Variants in CMPK1 observed in about 807,000 individuals in gnomAD.
CMPK1 encodes the protein UMP-CMP kinase.
A neutral mutation model predicts 25.7 loss-of-function variants in CMPK1; 10 were observed. The ratio of observed to expected loss-of-function variants is 0.39; its 90% CI spans 0.24 to 0.66. The LOEUF is 0.66. Among genes scored for constraint, CMPK1 ranks in the 30% least tolerant of loss-of-function variants. The probability of loss-of-function intolerance (pLI) is 0.48; values close to 1 mark genes in which losing one functional copy is unlikely to be tolerated. For synonymous variants in CMPK1, 106 were observed against 101.5 expected (o/e 1.04, Z -0.27); for missense variants, 199 against 280.5 (o/e 0.71, Z 2.08).
intron 1 of CMPK1, among the ~76,000 whole-genome samples, chr1:47,348,326 C>G (rs1352672804): frequency 6.6e-6 from 1 of 152,066 alleles, no homozygotes; most frequent in Non-Finnish European, 1.5e-5. Context: ...ACTTTTAGCC[C>G]AATTGCCATA....
At chr1:47,371,732 C>A (rs2622911) in intron 2 of CMPK1, among the ~76,000 whole-genome samples, 143,955 of 152,272 alleles carry the variant, frequency 0.95, 68,420 homozygotes, top group South Asian at 0.99. Context: ...TCACTATGCT[C>A]ATGCTGCTAA....
chr1:47,350,856 C>T lies in CMPK1; in HGVS notation c.171+16740C>T, dbSNP rs983244745. Among the ~76,000 whole-genome samples, 15 of 150,720 alleles carry T rather than the reference C, an allele frequency of 1.0e-4. No individual in the cohort carries two copies. In the South Asian group the frequency reaches 1.1e-3, roughly 11 times the overall value. On this transcript the variant is annotated intron_variant, in intron 1 of 5. Coordinates refer to ENST00000371873, the MANE Select transcript of CMPK1 (RefSeq NM_016308.3). ...CGGGAGGGCAGAGGTTGCATTGAGCCGAGATCACGCCACTGCACTCCAGCC... is the reference window on the plus strand; with the variant it reads ...CGGGAGGGCAGAGGTTGCATTGAGCTGAGATCACGCCACTGCACTCCAGCC...
In CMPK1 at chr1:47,334,168, G is replaced by A. The variant is rs1386534352; in HGVS notation, c.171+52G>A. ...CTTGGGGCTTGACGGGATGCGGGCC[G>A]GCCTGTCCCGCCGCCCCTAGTCCGC... On this transcript the variant is annotated intron_variant, in intron 1 of 5. Coordinates refer to ENST00000371873, the MANE Select transcript of CMPK1 (RefSeq NM_016308.3). 6 of 1,339,850 alleles carry A rather than the reference G, an allele frequency of 4.5e-6. No individual in the cohort carries two copies. The African/African-American group carries it at 4.6e-5, about 10-fold the overall frequency. The allele number at this position is 1,339,850 out of a possible 1,614,324, so 83.0% of individuals were successfully genotyped here. A position where few individuals can be genotyped will look rare whatever the true frequency, so the allele number is the denominator to read the frequency against.
chr1:47,368,810 A>G (rs1557431490), intron 2 of CMPK1, among the ~76,000 whole-genome samples, 195 bp downstream of exon 2: 1 of 152,196 alleles, frequency 6.6e-6, no homozygotes, highest in Non-Finnish European at 1.5e-5. Context: ...AAAATTTTTT[A>G]AAAAGCCATG....
At chr1:47,367,643 TA>T (rs969869865) in intron 1 of CMPK1, among the ~76,000 whole-genome samples, 38 of 152,242 alleles carry the variant, frequency 2.5e-4, no homozygotes, top group African/African-American at 8.0e-4. Flanking sequence ...AACTGAGCGA[TA>T]AATATAGTTA....
At chr1:47,336,478 A>C (rs1026153321) in intron 1 of CMPK1, among the ~76,000 whole-genome samples, 2 of 152,000 alleles carry the variant, frequency 1.3e-5, no homozygotes, top group Non-Finnish European at 2.9e-5. Flanking sequence ...CTCTACTTTA[A>C]ACTTCCTGAT....
intron 1 of CMPK1, among the ~76,000 whole-genome samples, chr1:47,361,972 G>C (rs1646606262): frequency 6.7e-6 from 1 of 149,670 alleles, no homozygotes; most frequent in South Asian, 2.1e-4. Context: ...CCAGGTTCAA[G>C]CAATTTTCCT....
At chr1:47,354,046 T>G (rs1646540063) in intron 1 of CMPK1, among the ~76,000 whole-genome samples, 1 of 152,062 alleles carries the variant, frequency 6.6e-6, no homozygotes, top group Non-Finnish European at 1.5e-5. Context: ...ATGTATAGGT[T>G]GGGCATGGTG....
chr1:47,338,956 C>T (rs1184454861), intron 1 of CMPK1, among the ~76,000 whole-genome samples: 3 of 151,888 alleles, frequency 2.0e-5, no homozygotes, highest in Admixed American at 6.6e-5. Flanking sequence ...TTAAACCTCT[C>T]TTTTAAAGAT....
intron 1 of CMPK1, among the ~76,000 whole-genome samples, chr1:47,365,650 A>AAAAAAAGG (rs66993103): frequency 6.7e-6 from 1 of 149,692 alleles, no homozygotes; most frequent in African/African-American, 2.5e-5. Context: ...AAAAAAAAAA[A>AAAAAAAGG]GTGAGAGAAA....
At chr1:47,363,174 C>T (rs1246150412) in intron 1 of CMPK1, among the ~76,000 whole-genome samples, 1 of 152,158 alleles carries the variant, frequency 6.6e-6, no homozygotes, top group Non-Finnish European at 1.5e-5. Context: ...TTTAAACTTA[C>T]AATACAGTAT....
chr1:47,351,545 T>C (rs758642512), intron 1 of CMPK1, among the ~76,000 whole-genome samples: 3 of 152,210 alleles, frequency 2.0e-5, no homozygotes, highest in Non-Finnish European at 4.4e-5. Flanking sequence ...ACTGCAGTGA[T>C]TGGTGTTCAA....
At chr1:47,375,142 C>G (rs1041301166) in intron 4 of CMPK1, 55 bp from the exon 5 acceptor site, 101 of 1,391,922 alleles carry the variant, frequency 7.3e-5, no homozygotes, top group Middle Eastern at 1.8e-4. Flanking sequence ...TCTCCTATAA[C>G]ATGTAGAAGA....
In CMPK1 at chr1:47,374,119, A is replaced by G. The variant is rs1056167583; in HGVS notation, c.472-790A>G. ...CACTCTGTTGCCCAGGCTGGAGTAC[A>G]GTGGCACGATCTTAGCTCACTGCAA... is the stretch of plus-strand genomic sequence containing the variant. On this transcript the variant is annotated intron_variant, in intron 3 of 5. Transcript: ENST00000371873. Among the ~76,000 whole-genome samples the G allele has an allele frequency of 2.0e-5, 3 of 152,276 alleles. No individual in the cohort carries two copies. The East Asian group carries it at 5.8e-4, about 29-fold the overall frequency.
intron 1 of CMPK1, among the ~76,000 whole-genome samples, chr1:47,367,243 A>C (rs1044987473): frequency 1.3e-5 from 2 of 152,218 alleles, no homozygotes; most frequent in African/African-American, 4.8e-5. Context: ...GTTTATTCTC[A>C]TCAAACTTTA....
Position 47,334,198 on chromosome 1 carries a change from C to T in CMPK1, c.171+82C>T, listed in dbSNP as rs1246870638. The T allele has an allele frequency of 1.2e-5, 14 of 1,191,978 alleles. No homozygotes were observed. In the African/African-American group the frequency reaches 1.9e-4, roughly 16 times the overall value. 73.8% of individuals were successfully genotyped at this position (1,191,978 alleles called of 1,614,324 possible). A position where few individuals can be genotyped will look rare whatever the true frequency, so the allele number is the denominator to read the frequency against. On this transcript the variant is annotated intron_variant, in intron 1 of 5. Coordinates refer to ENST00000371873, the MANE Select transcript of CMPK1 (RefSeq NM_016308.3). ...GTCCCGCCGCCCCTAGTCCGCGCCCCGCGGAGTCGCCGAGCCGCAGACTAC... is the reference window on the plus strand; with the variant it reads ...GTCCCGCCGCCCCTAGTCCGCGCCCTGCGGAGTCGCCGAGCCGCAGACTAC...
chr1:47,333,871 C>A lies in CMPK1; in HGVS notation c.-75C>A. 1 of 1,074,650 alleles carries A rather than the reference C, an allele frequency of 9.3e-7. No individual in the cohort carries two copies. The highest frequency in any genetic ancestry group is 1.1e-6 in the Non-Finnish European group (1 of 875,438). 66.6% of individuals were successfully genotyped at this position (1,074,650 alleles called of 1,614,324 possible). A position where few individuals can be genotyped will look rare whatever the true frequency, so the allele number is the denominator to read the frequency against. On this transcript the variant is annotated 5_prime_UTR_variant, in exon 1 of 6. Coordinates refer to ENST00000371873, the MANE Select transcript of CMPK1 (RefSeq NM_016308.3). ...CGCCGGCTCAGCCCGCCCCTTTCTC[C>A]CGCCGCCTCCCCGCCCCGCCCCGCG...
At chr1:47,361,020 A>T (rs1646597688) in intron 1 of CMPK1, among the ~76,000 whole-genome samples, 1 of 128,880 alleles carries the variant, frequency 7.8e-6, no homozygotes. Flanking sequence ...TATGAGGGGA[A>T]TTGGGCACAT....
At chr1:47,348,766 T>C (rs1646502277) in intron 1 of CMPK1, among the ~76,000 whole-genome samples, 1 of 152,208 alleles carries the variant, frequency 6.6e-6, no homozygotes, top group African/African-American at 2.4e-5. Context: ...GTGTTAGTCA[T>C]TGATTGGTAT....
Sources: allele counts gnomAD v4.1 joint callset (sites outside exome capture counted in the v4.1 genomes callset), GRCh38; gene constraint gnomAD v4.1.1; transcripts MANE v1.5; gene names NCBI Gene and HGNC (gene_info 2026-07-23, HGNC 2026-07-21).